Variants in RAB11FIP4 observed in about 807,000 individuals in gnomAD.
RAB11FIP4 encodes rab11 family-interacting protein 4.
In RAB11FIP4, 23 loss-of-function variants were observed where a neutral mutation model predicts 74.3. That is an observed-to-expected ratio of 0.31 (90% confidence interval 0.22 to 0.44). The LOEUF (loss-of-function observed/expected upper bound fraction) is 0.44, where lower values mean the gene tolerates loss of function less well. RAB11FIP4 is among the 20% of genes least tolerant of loss of function. The pLI, the probability that RAB11FIP4 is intolerant of heterozygous loss-of-function variation, is 1.00. For synonymous variants in RAB11FIP4, 360 were observed against 359.9 expected (o/e 1.00, Z 0.00); for missense variants, 630 against 863.9 (o/e 0.73, Z 3.39).
intron 3 of RAB11FIP4, among the ~76,000 whole-genome samples, chr17:31,497,295 C>T (rs2142762947): frequency 6.6e-6 from 1 of 152,152 alleles, no homozygotes; most frequent in East Asian, 1.9e-4. Flanking sequence ...ACCCGGAAGG[C>T]AGAGCCTGCA....
At chr17:31,505,877 C>CT (rs78513216) in intron 3 of RAB11FIP4, among the ~76,000 whole-genome samples, 4,029 of 135,972 alleles carry the variant, frequency 0.03, 210 homozygotes, top group African/African-American at 0.1. Flanking sequence ...TTCTTTTTTA[C>CT]TTTTTTTTTT....
intron 1 of RAB11FIP4, among the ~76,000 whole-genome samples, chr17:31,398,528 T>C (rs1433705818): frequency 6.6e-6 from 1 of 151,788 alleles, no homozygotes; most frequent in Non-Finnish European, 1.5e-5. Flanking sequence ...TAGACCTGAG[T>C]AGGGGGAAGA....
Position 31,521,179 on chromosome 17 carries a change from A to G in RAB11FIP4, c.577A>G (p.Thr193Ala). 1.3e-6 allele frequency: 2 copies of G among 1,594,824 alleles called. No individual in the cohort carries two copies. Among genetic ancestry groups the G allele is most frequent in the African/African-American group, 1.3e-5 (1 of 74,414 alleles). Residue 193 changes from threonine to alanine, a missense_variant, in exon 5 of 15, where the codon ACT (threonine) becomes GCT (alanine). Thr to Ala is a moderately conservative substitution (Grantham distance 58). Transcript: ENST00000621161. ...TCGGACCCTCAGGTCCCTGGTCCAC[A>G]CTCCATCCATGACGACCTCAGACCT... is the stretch of plus-strand genomic sequence containing the variant. ...FLPEDKSLVH[T>A]PSMTTSDLST...
chr17:31,431,549 G>A (rs1377688942), intron 1 of RAB11FIP4: 1 of 421,398 alleles, frequency 2.4e-6, no homozygotes, highest in African/African-American at 2.1e-5. Context: ...CTGGGGGAAG[G>A]AGGCTCGGCC....
chr17:31,400,617 G>A (rs1228127336), intron 1 of RAB11FIP4, among the ~76,000 whole-genome samples: 1 of 152,252 alleles, frequency 6.6e-6, no homozygotes, highest in African/African-American at 2.4e-5. Context: ...ATGGGCGCTG[G>A]GGGCCAGGAG....
At chr17:31,516,710 T>C (rs138568291) in intron 3 of RAB11FIP4, among the ~76,000 whole-genome samples, 84 of 152,330 alleles carry the variant, frequency 5.5e-4, no homozygotes, top group African/African-American at 1.8e-3. Context: ...CCTCGTGATC[T>C]GCCCGCCTTG....
chr17:31,403,476 C>A (rs532493411), intron 1 of RAB11FIP4, among the ~76,000 whole-genome samples: 1 of 152,002 alleles, frequency 6.6e-6, no homozygotes, highest in African/African-American at 2.4e-5. Context: ...GAGTGCACCA[C>A]CACACCCAGC....
intron 1 of RAB11FIP4, among the ~76,000 whole-genome samples, chr17:31,424,576 ATTT>A (rs71142050): frequency 9.6e-5 from 12 of 124,574 alleles, no homozygotes; most frequent in Non-Finnish European, 1.0e-4. Context: ...CACCCAGCTA[ATTT>A]TTTTTTTTTT....
At chr17:31,521,614 A>C (rs1209863034) in intron 5 of RAB11FIP4, among the ~76,000 whole-genome samples, 1 of 151,752 alleles carries the variant, frequency 6.6e-6, no homozygotes, top group East Asian at 1.9e-4. Context: ...GTATCCTAGA[A>C]CCTCAGTGTT....
chr17:31,445,554 ATATATATATATATATATATATATATTTT>A (rs1219860139), intron 3 of RAB11FIP4, among the ~76,000 whole-genome samples: 1,066 of 37,398 alleles, frequency 0.029, 62 homozygotes, highest in African/African-American at 0.083. Flanking sequence ...ATATATATAT[ATATATATATATATATATATATATATTTT>A]TTTTTTTTTT....
chr17:31,410,017 G>T (rs1280029696), intron 1 of RAB11FIP4, among the ~76,000 whole-genome samples: 1 of 152,142 alleles, frequency 6.6e-6, no homozygotes, highest in Non-Finnish European at 1.5e-5. Context: ...CTATGACCTG[G>T]GATGGGCCTC....
At chr17:31,474,058 G>A (rs1470737944) in intron 3 of RAB11FIP4, among the ~76,000 whole-genome samples, 1 of 152,176 alleles carries the variant, frequency 6.6e-6, no homozygotes, top group Admixed American at 6.5e-5. Flanking sequence ...GGCTCCAGAT[G>A]CCCCGGGGAT....
In RAB11FIP4 at chr17:31,434,088, C is replaced by T. The variant is rs751744074; in HGVS notation, c.302C>T (p.Pro101Leu). ...TCGGTGGAGAGCGCGGGGACGCTGCCGTGCGCGCCAGAGATCCCAGACTGC... is the reference window on the plus strand; with the variant it reads ...TCGGTGGAGAGCGCGGGGACGCTGCTGTGCGCGCCAGAGATCCCAGACTGC... Reference protein sequence around the residue: ...VLSVESAGTLPCAPEIPDCVE... With the variant: ...VLSVESAGTLLCAPEIPDCVE... The change falls in exon 3 of 15, where the codon CCG (proline) becomes CTG (leucine). Residue 101 changes from proline (P) to leucine (L), a missense_variant. Coordinates refer to ENST00000621161, the MANE Select transcript of RAB11FIP4 (RefSeq NM_032932.6). The T allele has an allele frequency of 7.8e-5, 124 of 1,586,052 alleles. No individual in the cohort carries two copies. The highest frequency in any genetic ancestry group is 9.5e-5 in the Non-Finnish European group (112 of 1,174,018).
intron 1 of RAB11FIP4, among the ~76,000 whole-genome samples, chr17:31,405,854 C>G (rs1422627198): frequency 1.3e-5 from 2 of 152,276 alleles, no homozygotes; most frequent in African/African-American, 2.4e-5. Flanking sequence ...TGTGAGCTAT[C>G]GTGACCCTTT....
At chr17:31,420,811 C>T (rs367718336) in intron 1 of RAB11FIP4, among the ~76,000 whole-genome samples, 16 of 151,622 alleles carry the variant, frequency 1.1e-4, no homozygotes, top group East Asian at 9.8e-4. Context: ...GGGCTGGGTG[C>T]GGTGGCTCAT....
intron 3 of RAB11FIP4, among the ~76,000 whole-genome samples, chr17:31,443,788 G>A (rs926107026): frequency 7.2e-5 from 11 of 152,210 alleles, no homozygotes; most frequent in African/African-American, 2.7e-4. Flanking sequence ...GATGGGGCAT[G>A]CCTGTAATCC....
chr17:31,455,128 T>C (rs570145989), intron 3 of RAB11FIP4, among the ~76,000 whole-genome samples: 1 of 152,330 alleles, frequency 6.6e-6, no homozygotes, highest in South Asian at 2.1e-4. Context: ...AATTTTATTG[T>C]TGTTTTTAAT....
At chr17:31,528,256 T>C in intron 11 of RAB11FIP4, 150 bp from the exon 12 acceptor site, 1 of 914,534 alleles carries the variant, frequency 1.1e-6, no homozygotes, top group Non-Finnish European at 1.6e-6. Context: ...GCCGTTTCTG[T>C]AAGCCAAGAC....
At chr17:31,499,919 C>T (rs1354288543) in intron 3 of RAB11FIP4, among the ~76,000 whole-genome samples, 1 of 152,208 alleles carries the variant, frequency 6.6e-6, no homozygotes, top group Non-Finnish European at 1.5e-5. Flanking sequence ...ATTCTTGGGG[C>T]TGGCTGCTGG....
Sources: gnomAD v4.1 joint callset for allele counts (sites outside exome capture counted in the v4.1 genomes callset) on GRCh38, gnomAD v4.1.1 for gene constraint, MANE v1.5 for transcripts, NCBI Gene and HGNC (gene_info 2026-07-23, HGNC 2026-07-21) for gene names.